C10orf90: variants seen among roughly 807,000 people sequenced by gnomAD.
C10orf90 encodes chromosome 10 open reading frame 90.
In C10orf90, 56 loss-of-function variants were observed where a neutral mutation model predicts 62.5. The observed-to-expected ratio is 0.90, with a 90% confidence interval of 0.72 to 1.12. C10orf90 has a LOEUF of 1.12. C10orf90 is among the 50% of genes most tolerant of loss of function. The pLI is 0.00. For missense variants in C10orf90, 970 were observed against 880.4 expected (o/e 1.10, Z -1.29); for synonymous variants, 386 against 340.4 (o/e 1.13, Z -1.47).
At chr10:126,509,735 A>G (rs115354873) in intron 3 of C10orf90, among the ~76,000 whole-genome samples, 3,596 of 152,100 alleles carry the variant, frequency 0.024, 130 homozygotes, top group African/African-American at 0.081. Context: ...ACACTGGCGG[A>G]CTCTTTGCTC....
At chr10:126,619,735 G>C (rs975826374) in intron 2 of C10orf90, among the ~76,000 whole-genome samples, 2 of 152,062 alleles carry the variant, frequency 1.3e-5, no homozygotes, top group African/African-American at 4.8e-5. Context: ...AGCCTCCCAG[G>C]CTCAAGTGAC....
intron 7 of C10orf90, among the ~76,000 whole-genome samples, chr10:126,443,905 A>G (rs1858566925): frequency 6.6e-6 from 1 of 152,168 alleles, no homozygotes; most frequent in Non-Finnish European, 1.5e-5. Context: ...CCACCTAAAC[A>G]GAATTAAAAA....
chr10:126,503,488 A>G lies in C10orf90; in HGVS notation c.1534+469T>C, dbSNP rs113124591. Among the ~76,000 whole-genome samples the G allele has an allele frequency of 8.4e-3, 1,277 of 152,266 alleles. 23 individuals carry two copies. The highest frequency in any genetic ancestry group is 0.029 in the African/African-American group (1,201 of 41,546). On this transcript the variant is annotated intron_variant, in intron 4 of 9. Coordinates refer to ENST00000488181, the MANE Select transcript of C10orf90 (RefSeq NM_001350921.2). The stretch of plus-strand genomic sequence containing the variant: ...CACATTCACACTTACACGCTCCATT[A>G]TGAAGCTTTGCAGTCTAGCTTTTAT...
chr10:126,632,584 T>A (rs1265799809), intron 2 of C10orf90, among the ~76,000 whole-genome samples: 1 of 151,704 alleles, frequency 6.6e-6, no homozygotes, highest in Non-Finnish European at 1.5e-5. Context: ...GGGTGTGGAG[T>A]TGGTCCCAGA....
intron 4 of C10orf90, among the ~76,000 whole-genome samples, chr10:126,502,027 C>T (rs1862419522): frequency 6.7e-6 from 1 of 149,078 alleles, no homozygotes; most frequent in Admixed American, 6.7e-5. Flanking sequence ...CATACACACA[C>T]ACCACACAAC....
chr10:126,563,667 G>T (rs2133990826), intron 2 of C10orf90, among the ~76,000 whole-genome samples: 1 of 152,332 alleles, frequency 6.6e-6, no homozygotes, highest in South Asian at 2.1e-4. Context: ...GCTCAGCAAA[G>T]GGATCTGTGA....
intron 2 of C10orf90, among the ~76,000 whole-genome samples, chr10:126,642,661 G>T (rs117942298): frequency 6.6e-6 from 1 of 151,968 alleles, no homozygotes; most frequent in Non-Finnish European, 1.5e-5. Flanking sequence ...CTTCTCTCCC[G>T]CTGTAATCTC....
chr10:126,494,426 T>C (rs966120555), intron 4 of C10orf90, among the ~76,000 whole-genome samples: 2 of 152,102 alleles, frequency 1.3e-5, no homozygotes, highest in Non-Finnish European at 2.9e-5. Flanking sequence ...AAGTGCACAT[T>C]TGTTGCCCCA....
chr10:126,541,470 A>G (rs1358088574), intron 2 of C10orf90, among the ~76,000 whole-genome samples: 1 of 152,254 alleles, frequency 6.6e-6, no homozygotes, highest in Non-Finnish European at 1.5e-5. Context: ...TTTAATATCC[A>G]GAACATATCA....
rs1864136052 is a variant in C10orf90, at chr10:126,532,852, A to AAAAAAAAAAAAAAAC, written c.314-18914_314-18913insGTTTTTTTTTTTTTT. Among the ~76,000 whole-genome samples, 2 of 82,088 alleles carry AAAAAAAAAAAAAAAC rather than the reference A, an allele frequency of 2.4e-5. 1 individual carries two copies. Among genetic ancestry groups the AAAAAAAAAAAAAAAC allele is most frequent in the Non-Finnish European group, 6.1e-5 (2 of 32,900 alleles). 53.9% of individuals were successfully genotyped at this position (82,088 alleles called of 152,430 possible). A position where few individuals can be genotyped will look rare whatever the true frequency, so the allele number is the denominator to read the frequency against. On this transcript the variant is annotated intron_variant, in intron 2 of 9. Transcript: ENST00000488181. ...AGCGAGACTACGTCTCAAAAAAAAA[A>AAAAAAAAAAAAAAAC]AAAAATAGTGAGCACAAAACAAGTG...
chr10:126,533,474 C>A (rs563461930), intron 2 of C10orf90, among the ~76,000 whole-genome samples: 13 of 152,208 alleles, frequency 8.5e-5, no homozygotes, highest in Non-Finnish European at 1.5e-4. Flanking sequence ...TAAAAACCAG[C>A]TCAAATTGTT....
chr10:126,555,987 T>C, intron 2 of C10orf90, among the ~76,000 whole-genome samples: 1 of 152,348 alleles, frequency 6.6e-6, no homozygotes, highest in East Asian at 1.9e-4. Flanking sequence ...TGATACAATT[T>C]TGGTGAACAC....
chr10:126,514,075 A>G lies in C10orf90; in HGVS notation c.314-136T>C, dbSNP rs557353745. On this transcript the variant is annotated intron_variant, in intron 2 of 9. Transcript: ENST00000488181. The stretch of plus-strand genomic sequence containing the variant: ...ACAGTAAATCCAGGATAGTCTAACC[A>G]TGACAAAACCTTGTACACTTCTCTT... The G allele has an allele frequency of 7.2e-5, 45 of 624,560 alleles. No homozygotes were observed. The African/African-American group carries it at 8.4e-4, about 12-fold the overall frequency. 38.7% of individuals were successfully genotyped at this position (624,560 alleles called of 1,614,324 possible).
chr10:126,663,550 C>T (rs979588681), intron 1 of C10orf90, among the ~76,000 whole-genome samples: 2 of 152,088 alleles, frequency 1.3e-5, no homozygotes, highest in Non-Finnish European at 2.9e-5. Flanking sequence ...AGCTGACACC[C>T]GCCTCTTTTG....
chr10:126,475,546 C>T (rs1860813071), intron 4 of C10orf90, among the ~76,000 whole-genome samples: 1 of 152,192 alleles, frequency 6.6e-6, no homozygotes, highest in African/African-American at 2.4e-5. Flanking sequence ...CAGCTGTTTC[C>T]TGGCAATAAT....
chr10:126,585,125 A>G (rs74158838), intron 2 of C10orf90, among the ~76,000 whole-genome samples: 6,638 of 151,954 alleles, frequency 0.044, 449 homozygotes, highest in African/African-American at 0.15. Context: ...AACTGCGCAT[A>G]GCAAAGATAA....
At chr10:126,616,535 C>A (rs564135910) in intron 2 of C10orf90, among the ~76,000 whole-genome samples, 6 of 152,230 alleles carry the variant, frequency 3.9e-5, no homozygotes, top group Admixed American at 6.5e-5. Flanking sequence ...GGGAAGATTT[C>A]GAGAGTCAGA....
chr10:126,427,997 T>C (rs1348577405), intron 8 of C10orf90, among the ~76,000 whole-genome samples: 1 of 152,140 alleles, frequency 6.6e-6, no homozygotes, highest in Non-Finnish European at 1.5e-5. Context: ...TGATTCAGTG[T>C]TTTCTTAAAA....
chr10:126,614,951 A>T (rs1467109100), intron 2 of C10orf90, among the ~76,000 whole-genome samples: 1 of 152,106 alleles, frequency 6.6e-6, no homozygotes, highest in Non-Finnish European at 1.5e-5. Flanking sequence ...TATGTTTATT[A>T]TTTCTCATCA....
Sources: allele counts gnomAD v4.1 joint callset (sites outside exome capture counted in the v4.1 genomes callset), GRCh38; gene constraint gnomAD v4.1.1; transcripts MANE v1.5; gene names NCBI Gene and HGNC (gene_info 2026-07-23, HGNC 2026-07-21).